TSEN54: variants seen among roughly 807,000 people sequenced by gnomAD.
The protein encoded by TSEN54 is tRNA splicing endonuclease subunit 54, also known as tRNA-splicing endonuclease subunit Sen54.
TSEN54 carries 55 observed loss-of-function variants against 61.9 expected under a neutral mutation model. The observed-to-expected ratio is 0.89, with a 90% confidence interval of 0.72 to 1.11. The LOEUF (loss-of-function observed/expected upper bound fraction) is 1.11. Among genes scored for constraint, TSEN54 ranks in the 50% most tolerant of loss-of-function variants. TSEN54 has a pLI of 0.00. For synonymous variants in TSEN54, 304 were observed against 288.7 expected (o/e 1.05, Z -0.54); for missense variants, 760 against 687.7 (o/e 1.11, Z -1.18).
chr17:75,518,838 C>T (rs1053223429), intron 5 of TSEN54, 157 bp from the exon 6 acceptor site: 8 of 985,044 alleles, frequency 8.1e-6, no homozygotes, highest in Middle Eastern at 5.2e-4. Context: ...GGATGGTGTT[C>T]GTAATGAAGC....
Position 75,522,053 on chromosome 17 carries a change from G to T in TSEN54, c.972G>T (p.Pro324=), listed in dbSNP as rs970702052. The T allele has an allele frequency of 6.3e-7, 1 of 1,588,642 alleles. No individual in the cohort carries two copies. The highest frequency in any genetic ancestry group is 8.6e-7 in the Non-Finnish European group (1 of 1,168,066). Residue 324 remains proline (P), a synonymous_variant, in exon 8 of 11, where the codon CCG becomes CCT. Coordinates refer to ENST00000333213, the MANE Select transcript of TSEN54 (RefSeq NM_207346.3). ...LLRAPAPELL[P]ANVAGRETDA... Reference sequence around the variant, plus strand: ...GCGCCCCAGCCCCAGAGCTGCTCCCGGCCAACGTGGCTGGGCGGGAGACAG... The same window carrying T: ...GCGCCCCAGCCCCAGAGCTGCTCCCTGCCAACGTGGCTGGGCGGGAGACAG...
chr17:75,521,163 T>C (rs1215213618), intron 6 of TSEN54, among the ~76,000 whole-genome samples: 1 of 152,120 alleles, frequency 6.6e-6, no homozygotes, highest in East Asian at 1.9e-4. Context: ...TTATCCAAGG[T>C]TTTTATTTTT....
At chr17:75,518,590 T>C (rs1320965462) in intron 5 of TSEN54, 3 of 985,268 alleles carry the variant, frequency 3.0e-6, no homozygotes, top group Admixed American at 1.2e-4. Flanking sequence ...TACCAGAAAC[T>C]TCCCACCGGC....
At chr17:75,523,373 A>C (rs760383560) in intron 9 of TSEN54, 38 bp downstream of exon 9, 1 of 1,613,602 alleles carries the variant, frequency 6.2e-7, no homozygotes, top group Non-Finnish European at 8.5e-7. Context: ...CAGTACCTTG[A>C]CCGCCAGGAG....
chr17:75,522,272 C>G lies in TSEN54; in HGVS notation c.1191C>G (p.Ala397=). ...RRQVQRSQRR[A]PHLWGQPVTP... The stretch of plus-strand genomic sequence containing the variant: ...AGGTGCAGAGGAGCCAGCGCCGGGC[C>G]CCTCACCTGTGGGGCCAGCCCGTCA... Residue 397 remains alanine (A), a synonymous_variant, in exon 8 of 11, where the codon GCC becomes GCG. Coordinates refer to ENST00000333213, the MANE Select transcript of TSEN54 (RefSeq NM_207346.3). 1 of 1,546,778 alleles carries G rather than the reference C, an allele frequency of 6.5e-7. No individual in the cohort carries two copies.
chr17:75,519,427 A>T (rs890364900), intron 6 of TSEN54, among the ~76,000 whole-genome samples: 1 of 152,232 alleles, frequency 6.6e-6, no homozygotes, highest in Admixed American at 6.5e-5. Context: ...CACATTTTTC[A>T]TGCCAGGTTA....
intron 10 of TSEN54, 150 bp from the exon 11 acceptor site, chr17:75,524,112 G>C (rs745446822): frequency 1.2e-5 from 13 of 1,119,342 alleles, no homozygotes; most frequent in Non-Finnish European, 1.7e-5. Context: ...GCTCTGGGGC[G>C]CTCTTCATCA....
Position 75,519,048 on chromosome 17 carries a change from G to A in TSEN54, c.521+1G>A. The A allele has an allele frequency of 1.9e-6, 3 of 1,614,030 alleles. No individual in the cohort carries two copies. The highest frequency in any genetic ancestry group is 2.5e-6 in the Non-Finnish European group (3 of 1,179,984). ...ATGTGGTTCGACGATTCCAACCAAGGTAAATCCCCTTCCTGTTCCCCTTCC... is the reference window on the plus strand; with the variant it reads ...ATGTGGTTCGACGATTCCAACCAAGATAAATCCCCTTCCTGTTCCCCTTCC... On this transcript the variant is annotated splice_donor_variant, in intron 6 of 10. Transcript: ENST00000333213. LOFTEE classifies it high-confidence loss of function.
chr17:75,521,443 C>T lies in TSEN54; in HGVS notation c.556C>T (p.Leu186=). The stretch of plus-strand genomic sequence containing the variant: ...GTCCCCGTATGAGAGGCAGCTTAAC[C>T]TGGATGCCAGCGTGCAGCACTTGGA... ...VLSPYERQLN[L]DASVQHLEDG... Residue 186 remains leucine (L), a synonymous_variant, in exon 7 of 11, where the codon CTG becomes TTG. Coordinates refer to ENST00000333213, the MANE Select transcript of TSEN54 (RefSeq NM_207346.3). The T allele has an allele frequency of 1.2e-6, 2 of 1,614,138 alleles. No individual in the cohort carries two copies. The highest frequency in any genetic ancestry group is 1.7e-6 in the Non-Finnish European group (2 of 1,180,040).
rs200015685 is a variant in TSEN54 at position 75,521,847 on chromosome 17, G to A, written c.766G>A (p.Gly256Ser). ...QESSPMKGPGGPFQLLGSLGP... is the reference protein window; with the variant it reads ...QESSPMKGPGSPFQLLGSLGP... ...GTCAAGCCCCATGAAGGGCCCAGGG[G>A]GCCCCTTTCAGCTTCTGGGGTCCCT... The change falls in exon 8 of 11, where the codon GGC (glycine) becomes AGC (serine). Residue 256 changes from glycine (G) to serine (S), a missense_variant. Gly to Ser is a moderately conservative substitution (Grantham distance 56, BLOSUM62 0). This residue lies in a region of TSEN54 where 667 missense variants were observed against 577.8 expected (regional missense o/e 1.15). Transcript: ENST00000333213. 3.9e-4 allele frequency: 625 copies of A among 1,612,398 alleles called. No individual in the cohort carries two copies. The highest frequency in any genetic ancestry group is 4.7e-4 in the Non-Finnish European group (558 of 1,179,716).
intron 4 of TSEN54, 104 bp from the exon 5 acceptor site, chr17:75,517,453 C>A: frequency 8.1e-7 from 1 of 1,229,504 alleles, no homozygotes; most frequent in Non-Finnish European, 1.2e-6. Context: ...TCTTGATGCG[C>A]TGCTGAGAGG....
chr17:75,521,307 TG>T, intron 6 of TSEN54, 101 bp from the exon 7 acceptor site: 1 of 991,632 alleles, frequency 1.0e-6, no homozygotes, highest in Non-Finnish European at 1.6e-6. Context: ...GCTCCGATCC[TG>T]GCCCACTGAC....
chr17:75,520,351 C>T lies in TSEN54; in HGVS notation c.522-1058C>T, dbSNP rs376789507. ...TTGGGAGGCCGACGCGGGCGGATCGCGTGAGCTCAGGAGTACGAGACCAGC... is the reference window on the plus strand; with the variant it reads ...TTGGGAGGCCGACGCGGGCGGATCGTGTGAGCTCAGGAGTACGAGACCAGC... On this transcript the variant is annotated intron_variant, in intron 6 of 10. Transcript: ENST00000333213. Among the ~76,000 whole-genome samples, 10 of 149,058 alleles carry T rather than the reference C, an allele frequency of 6.7e-5. No homozygotes were observed. The East Asian group carries it at 9.9e-4, about 15-fold the overall frequency.
rs2053459132 is a variant in TSEN54 at position 75,523,724 on chromosome 17, GCCA to G, written c.1377_1379del (p.Thr460del). 1 of 1,614,010 alleles carries G rather than the reference GCCA, an allele frequency of 6.2e-7. No homozygotes were observed. The highest frequency in any genetic ancestry group is 1.3e-5 in the African/African-American group (1 of 74,912). On this transcript the variant is annotated inframe_deletion, in exon 10 of 11. Coordinates refer to ENST00000333213, the MANE Select transcript of TSEN54 (RefSeq NM_207346.3). ...TGATGTTTACCAGGCCGACGCTGTG[GCCA>G]CATTCCGAAAGAATAACCCTGGCAA...
intron 5 of TSEN54, among the ~76,000 whole-genome samples, chr17:75,518,031 A>G (rs142699044): frequency 6.6e-5 from 10 of 152,330 alleles, no homozygotes; most frequent in East Asian, 3.9e-4. Context: ...AGGAGAGAGA[A>G]GAACCCAGGA....
chr17:75,517,419 C>A, intron 4 of TSEN54, 138 bp from the exon 5 acceptor site: 1 of 1,132,976 alleles, frequency 8.8e-7, no homozygotes, highest in Non-Finnish European at 1.3e-6. Flanking sequence ...AGTGATGCTG[C>A]CCCACTTTCC....
intron 10 of TSEN54, 106 bp from the exon 11 acceptor site, chr17:75,524,156 C>T: frequency 6.6e-7 from 1 of 1,510,196 alleles, no homozygotes. Context: ...ACTCATGGGT[C>T]AGAATTCTTG....
At chr17:75,520,337 A>G (rs1043747562) in intron 6 of TSEN54, among the ~76,000 whole-genome samples, 1 of 151,536 alleles carries the variant, frequency 6.6e-6, no homozygotes, top group Admixed American at 6.6e-5. Flanking sequence ...TGGGAGGCCG[A>G]CGCGGGCGGA....
Position 75,518,976 on chromosome 17 carries a change from T to C in TSEN54, c.469-19T>C. ...CCAGAGTGGCCATCTGAGCTTTCAT[T>C]TTTTTTTTTTCTTTTGAGGTCTTCA... is the stretch of plus-strand genomic sequence containing the variant. On this transcript the variant is annotated intron_variant, in intron 5 of 10. Transcript: ENST00000333213. 6.3e-7 allele frequency: 1 copy of C among 1,575,148 alleles called. No homozygotes were observed. The highest frequency in any genetic ancestry group is 2.3e-5 in the East Asian group (1 of 44,138).
Sources: gnomAD v4.1 joint callset for allele counts (sites outside exome capture counted in the v4.1 genomes callset) on GRCh38, gnomAD v4.1.1 for gene constraint, gnomAD v4.1.1 regional missense constraint, MANE v1.5 for transcripts, NCBI Gene and HGNC (gene_info 2026-07-23, HGNC 2026-07-21) for gene names.